CAP2: variants seen among roughly 807,000 people sequenced by gnomAD.
CAP2 encodes cyclase associated actin cytoskeleton regulatory protein 2.
A neutral mutation model predicts 57.7 loss-of-function variants in CAP2; 24 were observed. The observed-to-expected ratio is 0.42, with a 90% confidence interval of 0.30 to 0.58. The LOEUF (loss-of-function observed/expected upper bound fraction) is 0.58, where lower values mean the gene tolerates loss of function less well. Among genes scored for constraint, CAP2 ranks in the 20% least tolerant of loss-of-function variants. The probability of loss-of-function intolerance (pLI) is 0.22; values close to 1 mark genes in which losing one functional copy is unlikely to be tolerated. For synonymous variants in CAP2, 194 were observed against 207.2 expected, an observed-to-expected ratio of 0.94 and a Z score of 0.55; for missense variants, 501 against 590.3, an observed-to-expected ratio of 0.85 and a Z score of 1.57.
intron 1 of CAP2, among the ~76,000 whole-genome samples, chr6:17,395,241 A>ATG (rs1391409079): frequency 6.6e-6 from 1 of 152,198 alleles, no homozygotes; most frequent in Non-Finnish European, 1.5e-5. Context: ...GATAGTAAAC[A>ATG]TGTAGGTTTT....
intron 3 of CAP2, among the ~76,000 whole-genome samples, chr6:17,455,677 A>G (rs9477434): frequency 0.068 from 10,310 of 151,950 alleles, 1,109 homozygotes; most frequent in African/African-American, 0.23. Flanking sequence ...CTGGGACTAC[A>G]GGCGCCCACC....
intron 1 of CAP2, among the ~76,000 whole-genome samples, chr6:17,416,262 T>C (rs1363958492): frequency 1.3e-5 from 2 of 152,044 alleles, no homozygotes; most frequent in Admixed American, 1.3e-4. Flanking sequence ...TGTTAGTCAT[T>C]TCCATTGACC....
rs968748261 is a variant in CAP2 at position 17,555,480 on chromosome 6, C to T, written c.1351-879C>T. On this transcript the variant is annotated intron_variant, in intron 12 of 12. Transcript: ENST00000229922. Reference sequence around the variant, plus strand: ...AAGTCCTAGGATTACAGGCATGAGCCACAGAGCCCAGCCAGAGAGAATCTG... The same window carrying T: ...AAGTCCTAGGATTACAGGCATGAGCTACAGAGCCCAGCCAGAGAGAATCTG... 9.9e-5 allele frequency among the ~76,000 whole-genome samples: 15 copies of T among 152,008 alleles called. No individual in the cohort carries two copies. The East Asian group carries it at 2.7e-3, about 28-fold the overall frequency.
chr6:17,480,484 G>A (rs1761260036), intron 4 of CAP2, among the ~76,000 whole-genome samples: 1 of 152,148 alleles, frequency 6.6e-6, no homozygotes, highest in Admixed American at 6.5e-5. Flanking sequence ...CCTAAACCTG[G>A]TATATTGTAA....
chr6:17,433,695 C>T (rs1759800667), intron 3 of CAP2, among the ~76,000 whole-genome samples: 1 of 152,228 alleles, frequency 6.6e-6, no homozygotes, highest in Non-Finnish European at 1.5e-5. Flanking sequence ...TCAGAAAAGT[C>T]ACAGATAGAT....
chr6:17,498,527 C>T (rs1314366031), intron 4 of CAP2, among the ~76,000 whole-genome samples: 2 of 152,088 alleles, frequency 1.3e-5, no homozygotes, highest in African/African-American at 2.4e-5. Flanking sequence ...TCAGGGCTGC[C>T]CCGGAGGTCT....
intron 3 of CAP2, among the ~76,000 whole-genome samples, chr6:17,431,758 G>A (rs1759743619): frequency 6.6e-6 from 1 of 152,020 alleles, no homozygotes; most frequent in Non-Finnish European, 1.5e-5. Context: ...GCTCCTTAAC[G>A]AGGCAGGATG....
At chr6:17,537,988 A>G (rs963804655) in intron 7 of CAP2, among the ~76,000 whole-genome samples, 11 of 152,034 alleles carry the variant, frequency 7.2e-5, no homozygotes, top group Non-Finnish European at 1.5e-4. Flanking sequence ...AATTGCTTGA[A>G]CCTGGGAGAC....
chr6:17,447,648 G>A (rs969731547), intron 3 of CAP2, among the ~76,000 whole-genome samples: 3 of 152,156 alleles, frequency 2.0e-5, no homozygotes, highest in Admixed American at 6.5e-5. Flanking sequence ...ACAGGCACTC[G>A]CCATCATGCC....
intron 7 of CAP2, among the ~76,000 whole-genome samples, chr6:17,529,304 A>C (rs1294126453): frequency 6.6e-6 from 1 of 152,202 alleles, no homozygotes; most frequent in African/African-American, 2.4e-5. Context: ...ATCAATGTAC[A>C]TCTTGCATAA....
At chr6:17,472,497 C>A (rs990353615) in intron 4 of CAP2, among the ~76,000 whole-genome samples, 2 of 152,156 alleles carry the variant, frequency 1.3e-5, no homozygotes, top group Non-Finnish European at 2.9e-5. Flanking sequence ...TAGGTAAAAA[C>A]CAATTGCATT....
chr6:17,464,784 A>G (rs9370994), intron 4 of CAP2, among the ~76,000 whole-genome samples: 84,872 of 152,100 alleles, frequency 0.56, 23,945 homozygotes, highest in East Asian at 0.82. Context: ...GCTCTTCTCA[A>G]TCTCTGCTTT....
At chr6:17,493,470 G>A (rs1346548045) in intron 4 of CAP2, 3 of 261,766 alleles carry the variant, frequency 1.1e-5, no homozygotes, top group South Asian at 3.8e-5. Context: ...CCATAATGGA[G>A]GCTGGCTGTC....
chr6:17,437,099 A>G (rs1041089879), intron 3 of CAP2, among the ~76,000 whole-genome samples: 19 of 152,164 alleles, frequency 1.2e-4, no homozygotes, highest in Non-Finnish European at 2.4e-4. Context: ...CATTGTGGTG[A>G]GTTGTATAAT....
At chr6:17,399,715 A>G (rs193215636) in intron 1 of CAP2, among the ~76,000 whole-genome samples, 74 of 152,296 alleles carry the variant, frequency 4.9e-4, no homozygotes, top group Middle Eastern at 3.4e-3. Flanking sequence ...ATAACCTTTG[A>G]TGTTCCTGTT....
intron 1 of CAP2, among the ~76,000 whole-genome samples, chr6:17,421,144 A>G (rs182567194): frequency 2.0e-5 from 3 of 152,284 alleles, no homozygotes; most frequent in East Asian, 3.9e-4. Flanking sequence ...GGAATGGAAA[A>G]CCAAATATCA....
chr6:17,525,344 C>T (rs1762478655), intron 7 of CAP2, among the ~76,000 whole-genome samples: 2 of 151,950 alleles, frequency 1.3e-5, no homozygotes. Flanking sequence ...TAAGGGCTAG[C>T]AAGTTAATAT....
chr6:17,426,574 T>G lies in CAP2; in HGVS notation c.122-16T>G. 1 of 1,593,440 alleles carries G rather than the reference T, an allele frequency of 6.3e-7. No individual in the cohort carries two copies. Among genetic ancestry groups the G allele is most frequent in the East Asian group, 2.2e-5 (1 of 44,754 alleles). On this transcript the variant is annotated splice_polypyrimidine_tract_variant and intron_variant, in intron 2 of 12. Coordinates refer to ENST00000229922, the MANE Select transcript of CAP2 (RefSeq NM_006366.3). ...ATTCAACGGCCAGGGAATAACAAAC[T>G]GCTCCTTTCCCCAAGGTGTGGCACC...
At chr6:17,442,821 G>A (rs148179054) in intron 3 of CAP2, among the ~76,000 whole-genome samples, 51 of 151,820 alleles carry the variant, frequency 3.4e-4, no homozygotes, top group African/African-American at 1.2e-3. Context: ...GGGTTCAAGC[G>A]ATCCTCGTGC....
Sources: gnomAD v4.1 joint callset for allele counts (sites outside exome capture counted in the v4.1 genomes callset) on GRCh38, gnomAD v4.1.1 for gene constraint, MANE v1.5 for transcripts, NCBI Gene and HGNC (gene_info 2026-07-23, HGNC 2026-07-21) for gene names.